The following GPAM variants were observed in gnomAD, a reference collection of about 807,000 sequenced individuals.
GPAM encodes the protein glycerol-3-phosphate acyltransferase, mitochondrial, also known as glycerol-3-phosphate acyltransferase 1, mitochondrial.
A neutral mutation model predicts 105.0 loss-of-function variants in GPAM; 56 were observed. The observed-to-expected ratio is 0.53, with a 90% CI of 0.43 to 0.67. The LOEUF (loss-of-function observed/expected upper bound fraction) is 0.67. Ranked by LOEUF, GPAM falls within the 30% of genes least tolerant of loss-of-function variation. The probability of loss-of-function intolerance (pLI) is 0.00; values close to 1 mark genes in which losing one functional copy is unlikely to be tolerated. For missense variants in GPAM, 855 were observed against 989.8 expected (o/e 0.86, Z 1.83); for synonymous variants, 368 against 354.4 (o/e 1.04, Z -0.43).
chr10:112,189,672 G>A (rs1417799196), intron 1 of GPAM, among the ~76,000 whole-genome samples: 1 of 152,108 alleles, frequency 6.6e-6, no homozygotes, highest in African/African-American at 2.4e-5. Flanking sequence ...CCAGTTCTGG[G>A]CAATGTGAAC....
rs2133234062 is a variant in GPAM at position 112,160,880 on chromosome 10, T to C, written c.1495-12A>G. ...GAGAGATCAATTCCCTAAAGAAAGATGGAAACGGTATCATGATGGTGGAAA... is the reference window on the plus strand; with the variant it reads ...GAGAGATCAATTCCCTAAAGAAAGACGGAAACGGTATCATGATGGTGGAAA... On this transcript the variant is annotated splice_polypyrimidine_tract_variant and intron_variant, in intron 15 of 21. Coordinates refer to ENST00000348367, the MANE Select transcript of GPAM (RefSeq NM_001244949.2). 2 of 1,611,812 alleles carry C rather than the reference T, an allele frequency of 1.2e-6. No individual in the cohort carries two copies. The highest frequency in any genetic ancestry group is 8.5e-7 in the Non-Finnish European group (1 of 1,178,562).
chr10:112,158,020 ACCT>A (rs1847048028), intron 18 of GPAM, among the ~76,000 whole-genome samples: 1 of 152,008 alleles, frequency 6.6e-6, no homozygotes, highest in African/African-American at 2.4e-5. Context: ...GCTCACTGAA[ACCT>A]CCACCACTCC....
chr10:112,158,396 G>A lies in GPAM; in HGVS notation c.1903-3C>T. The A allele has an allele frequency of 6.4e-7, 1 of 1,574,050 alleles. No individual in the cohort carries two copies. Among genetic ancestry groups the A allele is most frequent in the Non-Finnish European group, 8.7e-7 (1 of 1,143,532 alleles). ...ACTTGGTAAAATGTCTGGCAAGGCT[G>A]AAAAGAAAATTCATTTAAATATAAA... is the stretch of plus-strand genomic sequence containing the variant. On this transcript the variant is annotated splice_region_variant and splice_polypyrimidine_tract_variant and intron_variant, in intron 17 of 21. Transcript: ENST00000348367.
rs186973964 is a variant in GPAM at position 112,152,375 on chromosome 10, G to C, written c.*1175C>G. 42 of 984,560 alleles carry C rather than the reference G, an allele frequency of 4.3e-5. No individual in the cohort carries two copies. The African/African-American group carries it at 6.8e-4, about 16-fold the overall frequency. The allele number at this position is 984,560 out of a possible 1,614,324, so 61.0% of individuals were successfully genotyped here. A position where few individuals can be genotyped will look rare whatever the true frequency, so the allele number is the denominator to read the frequency against. On this transcript the variant is annotated 3_prime_UTR_variant, in exon 22 of 22. Transcript: ENST00000348367. ...AATTATTTACCACTATGTGGCATAA[G>C]GGTTTAGGCATATAACCCATAAAAA...
intron 1 of GPAM, among the ~76,000 whole-genome samples, chr10:112,195,021 G>A (rs996529939): frequency 1.3e-5 from 2 of 151,962 alleles, no homozygotes; most frequent in African/African-American, 4.8e-5. Context: ...TCTTCACTGG[G>A]GGGCATAATG....
chr10:112,155,606 T>TACAC (rs1847002444), intron 20 of GPAM: 1 of 398,304 alleles, frequency 2.5e-6, no homozygotes, highest in African/African-American at 2.1e-5. Context: ...AATGGAACAC[T>TACAC]ACACAACAAG....
At chr10:112,153,869 ATTT>A (rs3052610) in intron 21 of GPAM, 9,261 of 445,954 alleles carry the variant, frequency 0.021, 2 homozygotes, top group South Asian at 0.032. Flanking sequence ...TTCTTTTTCT[ATTT>A]TTTTTTTTTT....
In GPAM at chr10:112,164,559, C is replaced by T. The variant is rs1304873600; in HGVS notation, c.1273G>A (p.Glu425Lys). The T allele has an allele frequency of 3.1e-6, 5 of 1,606,586 alleles. No homozygotes were observed. Among genetic ancestry groups the T allele is most frequent in the South Asian group, 1.1e-5 (1 of 90,946 alleles). The change falls in exon 13 of 22, where the codon GAG becomes AAG. Residue 425 changes from glutamate to lysine, a missense_variant. Transcript: ENST00000348367. ...QKPVSALLSL[E>K]QALLPAILPS... ...AGTATAGCTGGTAACAACGCTTGCT[C>T]CAGGGAAAGTAGAGCAGACACCGGT... is the stretch of plus-strand genomic sequence containing the variant.
chr10:112,184,753 T>G (rs1178824292), upstream of GPAM, among the ~76,000 whole-genome samples: 1 of 152,006 alleles, frequency 6.6e-6, no homozygotes, highest in Non-Finnish European at 1.5e-5. Context: ...GTTGAAGAGA[T>G]AGAACTGGGA....
At position 112,173,031 on chromosome 10, in the gene GPAM, C is replaced by T; in HGVS notation, c.596G>A (p.Ser199Asn). 6.2e-7 allele frequency: 1 copy of T among 1,610,380 alleles called. No homozygotes were observed. Among genetic ancestry groups the T allele is most frequent in the Non-Finnish European group, 8.5e-7 (1 of 1,176,680 alleles). Residue 199 changes from serine (S) to asparagine (N), a missense_variant, in exon 8 of 22, where the codon AGC becomes AAC. By Grantham distance (46) the Ser-to-Asn change is conservative (BLOSUM62 1). Transcript: ENST00000348367. The part of the protein sequence containing the change: ...TGWVLLKLFN[S>N]FFWNIQIHKG... ...GTGAATTTGAATGTTCCAAAAGAAG[C>T]TGTTGAACAGTTTTAGCAGCACCCA...
chr10:112,201,062 C>A (rs1322718599), intron 1 of GPAM, among the ~76,000 whole-genome samples: 1 of 152,118 alleles, frequency 6.6e-6, no homozygotes, highest in Non-Finnish European at 1.5e-5. Context: ...CTGATTTTCA[C>A]CTTAAGTGCT....
At chr10:112,217,743 A>G (rs1350674188), upstream of GPAM, among the ~76,000 whole-genome samples, 2 of 152,326 alleles carry the variant, frequency 1.3e-5, no homozygotes, top group Non-Finnish European at 1.5e-5. Context: ...GCCCTTTCAA[A>G]GATGAGGTGC....
Position 112,151,548 on chromosome 10 carries a change from T to C in GPAM, c.*2002A>G. On this transcript the variant is annotated 3_prime_UTR_variant, in exon 22 of 22. Transcript: ENST00000348367. ...ATCATACATTGCATTCCCCAAAGCA[T>C]CTGAACGTACTTCTAGAAAACAAAC... 2.0e-6 allele frequency: 2 copies of C among 985,748 alleles called. No individual in the cohort carries two copies. Among genetic ancestry groups the C allele is most frequent in the Non-Finnish European group, 2.4e-6 (2 of 829,860 alleles). The allele number at this position is 985,748 out of a possible 1,614,324, so 61.1% of individuals were successfully genotyped here.
rs374622483 is a variant in GPAM, at chr10:112,168,693, TAAC to T, written c.894+157_894+159del. On this transcript the variant is annotated intron_variant, in intron 10 of 21. Coordinates refer to ENST00000348367, the MANE Select transcript of GPAM (RefSeq NM_001244949.2). ...CTCCTCCAATGCTATATTTTGGTAA[TAAC>T]AACAACAACAACAACAACAAATTAC... Among the ~76,000 whole-genome samples, 68 of 151,906 alleles carry T rather than the reference TAAC, an allele frequency of 4.5e-4. 1 individual carries two copies. The highest frequency in any genetic ancestry group is 7.2e-4 in the Admixed American group (11 of 15,240).
At chr10:112,219,035 A>C (rs575730274), upstream of GPAM, among the ~76,000 whole-genome samples, 1 of 152,264 alleles carries the variant, frequency 6.6e-6, no homozygotes, top group African/African-American at 2.4e-5. Flanking sequence ...AAGAATGCCT[A>C]ACCTCTTGGG....
intron 1 of GPAM, among the ~76,000 whole-genome samples, chr10:112,196,176 C>CTT (rs1564688592): frequency 6.6e-6 from 1 of 152,128 alleles, no homozygotes; most frequent in African/African-American, 2.4e-5. Flanking sequence ...TGGCTAGAGA[C>CTT]TTATTTTTAT....
intron 9 of GPAM, among the ~76,000 whole-genome samples, chr10:112,169,182 TA>T (rs1233557699): frequency 4.6e-5 from 7 of 152,206 alleles, no homozygotes; most frequent in African/African-American, 1.7e-4. Flanking sequence ...GAGCCTCTAT[TA>T]TATCTGTTCC....
intron 1 of GPAM, among the ~76,000 whole-genome samples, chr10:112,189,306 G>T (rs1036776465): frequency 6.6e-6 from 1 of 151,620 alleles, no homozygotes; most frequent in Non-Finnish European, 1.5e-5. Context: ...TCTACTTCAC[G>T]CCACCCAACC....
chr10:112,162,894 G>A (rs959406122), intron 14 of GPAM, among the ~76,000 whole-genome samples: 1 of 152,064 alleles, frequency 6.6e-6, no homozygotes, highest in Non-Finnish European at 1.5e-5. Flanking sequence ...AAATGTGCTT[G>A]AGAAAGAATC....
Sources: gnomAD v4.1 joint callset for allele counts (sites outside exome capture counted in the v4.1 genomes callset) on GRCh38, gnomAD v4.1.1 for gene constraint, MANE v1.5 for transcripts, NCBI Gene and HGNC (gene_info 2026-07-23, HGNC 2026-07-21) for gene names.